Variants in CNTNAP2 observed in about 807,000 individuals in gnomAD.
The protein encoded by CNTNAP2 is contactin-associated protein-like 2.
CNTNAP2 carries 98 observed loss-of-function variants against 155.2 expected under a neutral mutation model. That is an observed-to-expected ratio of 0.63 (90% confidence interval 0.54 to 0.75). The LOEUF (loss-of-function observed/expected upper bound fraction) is 0.75, where lower values mean the gene tolerates loss of function less well. CNTNAP2 is among the 30% of genes least tolerant of loss of function. The pLI is 0.00. For missense variants in CNTNAP2, 1,727 were observed against 1,688.1 expected (o/e 1.02, Z -0.40); for synonymous variants, 651 against 631.2 (o/e 1.03, Z -0.47).
At chr7:147,137,266 A>G (rs1320849628) in intron 8 of CNTNAP2, among the ~76,000 whole-genome samples, 2 of 151,224 alleles carry the variant, frequency 1.3e-5, no homozygotes, top group African/African-American at 4.8e-5. Context: ...AAAAAATGCT[A>G]AGAATAAAAT....
intron 2 of CNTNAP2, among the ~76,000 whole-genome samples, chr7:146,797,276 A>C (rs578140934): frequency 1.3e-5 from 2 of 152,340 alleles, no homozygotes; most frequent in South Asian, 4.1e-4. Context: ...CTGAACAGAC[A>C]AATTGGCATG....
intron 17 of CNTNAP2, among the ~76,000 whole-genome samples, chr7:148,149,366 A>G (rs573500370): frequency 2.0e-5 from 3 of 152,342 alleles, no homozygotes; most frequent in Non-Finnish European, 4.4e-5. Context: ...GCCTGAGATC[A>G]GAATTCTACA....
chr7:146,589,343 C>G (rs1000292848), intron 1 of CNTNAP2, among the ~76,000 whole-genome samples: 3 of 152,130 alleles, frequency 2.0e-5, no homozygotes, highest in Non-Finnish European at 4.4e-5. Flanking sequence ...AGACTTGGAA[C>G]CAACCCAAAT....
intron 4 of CNTNAP2, among the ~76,000 whole-genome samples, chr7:147,096,221 CATAA>C (rs1800529131): frequency 6.6e-6 from 1 of 152,162 alleles, no homozygotes; most frequent in Admixed American, 6.5e-5. Flanking sequence ...GCCAAGAAGA[CATAA>C]ATGTGGGCCA....
intron 15 of CNTNAP2, among the ~76,000 whole-genome samples, chr7:148,035,317 G>C (rs577151326): frequency 6.6e-6 from 1 of 152,132 alleles, no homozygotes; most frequent in East Asian, 1.9e-4. Flanking sequence ...GGAGATCTCT[G>C]AGGCTCTCCC....
chr7:146,968,994 G>A (rs1249910257), intron 3 of CNTNAP2, among the ~76,000 whole-genome samples: 2 of 149,104 alleles, frequency 1.3e-5, no homozygotes, highest in Non-Finnish European at 3.0e-5. Context: ...GCGTCCCAGA[G>A]ATTCTGGTAT....
intron 13 of CNTNAP2, among the ~76,000 whole-genome samples, chr7:147,673,470 G>A (rs1795820782): frequency 6.6e-6 from 1 of 152,210 alleles, no homozygotes; most frequent in Admixed American, 6.5e-5. Flanking sequence ...CAGCAGTATA[G>A]ATTAAGTTGG....
intron 4 of CNTNAP2, among the ~76,000 whole-genome samples, chr7:147,071,261 T>C (rs1799885711): frequency 6.6e-6 from 1 of 150,406 alleles, no homozygotes; most frequent in South Asian, 2.1e-4. Flanking sequence ...TTCTTCTTTT[T>C]AACAAATAAT....
chr7:147,526,969 A>G (rs1377627006), intron 11 of CNTNAP2, among the ~76,000 whole-genome samples: 1 of 150,860 alleles, frequency 6.6e-6, no homozygotes, highest in African/African-American at 2.5e-5. Flanking sequence ...TAACCAATAG[A>G]ACAGGTATAC....
At chr7:147,172,664 A>T (rs933348571) in intron 8 of CNTNAP2, among the ~76,000 whole-genome samples, 7 of 151,886 alleles carry the variant, frequency 4.6e-5, no homozygotes, top group African/African-American at 1.7e-4. Flanking sequence ...ACCTACCTTT[A>T]AAAAAAAGCC....
intron 10 of CNTNAP2, among the ~76,000 whole-genome samples, chr7:147,457,172 G>T (rs1027330747): frequency 1.3e-5 from 2 of 152,034 alleles, no homozygotes; most frequent in Non-Finnish European, 2.9e-5. Flanking sequence ...GCTGAGAAAG[G>T]CAAGATGAAA....
intron 18 of CNTNAP2, among the ~76,000 whole-genome samples, chr7:148,195,262 G>A (rs1449083941): frequency 2.0e-5 from 3 of 152,150 alleles, no homozygotes; most frequent in African/African-American, 7.2e-5. Context: ...CTACAAAGTA[G>A]GTGTTTGGTA....
intron 21 of CNTNAP2, among the ~76,000 whole-genome samples, chr7:148,349,607 T>A (rs1053310563): frequency 6.6e-6 from 1 of 152,026 alleles, no homozygotes; most frequent in African/African-American, 2.4e-5. Context: ...TTCACTGCGT[T>A]AGACAGGATG....
At chr7:147,756,314 A>G (rs1173881440) in intron 13 of CNTNAP2, among the ~76,000 whole-genome samples, 3 of 151,708 alleles carry the variant, frequency 2.0e-5, no homozygotes, top group Non-Finnish European at 2.9e-5. Flanking sequence ...TTCCCCACTG[A>G]TAAAGGAATA....
chr7:148,095,574 G>A (rs985102323), intron 15 of CNTNAP2, among the ~76,000 whole-genome samples: 4 of 152,184 alleles, frequency 2.6e-5, no homozygotes, highest in East Asian at 1.9e-4. Context: ...CTGAGTGATT[G>A]GAAATAGCTA....
At chr7:147,784,381 C>CAT (rs60221349) in intron 13 of CNTNAP2, among the ~76,000 whole-genome samples, 6,655 of 98,988 alleles carry the variant, frequency 0.067, 425 homozygotes, top group Middle Eastern at 0.13. Flanking sequence ...AAACTAAAAA[C>CAT]ATATATATAT....
Position 147,308,149 on chromosome 7 carries a change from G to T in CNTNAP2, c.1498+7859G>T, listed in dbSNP as rs182392271. ...AGTGAGAACACACACACCATGAGAAGATGGGAGAGAAGAACACTCTTGGTA... is the reference window on the plus strand; with the variant it reads ...AGTGAGAACACACACACCATGAGAATATGGGAGAGAAGAACACTCTTGGTA... On this transcript the variant is annotated intron_variant, in intron 9 of 23. Transcript: ENST00000361727. 2.6e-4 allele frequency among the ~76,000 whole-genome samples: 40 copies of T among 152,262 alleles called. No homozygotes were observed. In the East Asian group the frequency reaches 7.5e-3, roughly 29 times the overall value.
rs1474519592 is a variant in CNTNAP2, at chr7:146,712,075, C to CATCTTATGTATACTATATAGTATACAT, written c.98-62182_98-62156dup. ...TCTTATGTATACTATATAGTATACA[C>CATCTTATGTATACTATATAGTATACAT]ATCTTATGTATACTATATAGTATAC... On this transcript the variant is annotated intron_variant, in intron 1 of 23. Transcript: ENST00000361727. 1.8e-3 allele frequency among the ~76,000 whole-genome samples: 163 copies of CATCTTATGTATACTATATAGTATACAT among 88,898 alleles called. 2 individuals are homozygous for CATCTTATGTATACTATATAGTATACAT. Among genetic ancestry groups the CATCTTATGTATACTATATAGTATACAT allele is most frequent in the African/African-American group, 6.8e-3 (135 of 19,766 alleles). The allele number at this position is 88,898 out of a possible 152,430, so 58.3% of individuals were successfully genotyped here.
intron 3 of CNTNAP2, among the ~76,000 whole-genome samples, chr7:147,002,500 C>G (rs1175145957): frequency 1.3e-5 from 2 of 152,008 alleles, no homozygotes; most frequent in Non-Finnish European, 2.9e-5. Context: ...TTAGAATGAA[C>G]ACATACATTC....
Sources: allele counts gnomAD v4.1 joint callset (sites outside exome capture counted in the v4.1 genomes callset), GRCh38; gene constraint gnomAD v4.1.1; transcripts MANE v1.5; gene names NCBI Gene and HGNC (gene_info 2026-07-23, HGNC 2026-07-21).